Variants in GRK5 observed in about 807,000 individuals in gnomAD.
GRK5 encodes G protein-coupled receptor kinase 5.
In GRK5, 40 loss-of-function variants were observed where a neutral mutation model predicts 78.4. The ratio of observed to expected loss-of-function variants is 0.51; its 90% CI spans 0.40 to 0.66. The LOEUF is 0.66. Ranked by LOEUF, GRK5 falls within the 30% of genes least tolerant of loss-of-function variation. GRK5 has a pLI of 0.00. For synonymous variants in GRK5, 289 were observed against 296.8 expected, an observed-to-expected ratio of 0.97 and a Z score of 0.27; for missense variants, 598 against 759.9, an observed-to-expected ratio of 0.79 and a Z score of 2.50.
chr10:119,409,617 C>A (rs1852300258), intron 4 of GRK5, among the ~76,000 whole-genome samples: 1 of 152,200 alleles, frequency 6.6e-6, no homozygotes, highest in Admixed American at 6.5e-5. Context: ...CAGGCCCTCC[C>A]CATCCGTGGA....
At chr10:119,403,369 G>A (rs1257675381) in intron 4 of GRK5, among the ~76,000 whole-genome samples, 4 of 152,108 alleles carry the variant, frequency 2.6e-5, no homozygotes, top group Non-Finnish European at 5.9e-5. Flanking sequence ...GTTTCACCGT[G>A]TTAGCCAGGA....
At chr10:119,373,323 C>T (rs1055153441) in intron 2 of GRK5, among the ~76,000 whole-genome samples, 1 of 152,190 alleles carries the variant, frequency 6.6e-6, no homozygotes, top group African/African-American at 2.4e-5. Flanking sequence ...ACCTAAATCT[C>T]ATGTTGAATT....
rs539986450 is a variant in GRK5, at chr10:119,427,987, A to C, written c.534-2388A>C. ...GCCATCATCAGCATCACCGCCATCA[A>C]CAGCATCACTGCCATTAGTCCCACT... On this transcript the variant is annotated intron_variant, in intron 6 of 15. Coordinates refer to ENST00000392870, the MANE Select transcript of GRK5 (RefSeq NM_005308.3). Among the ~76,000 whole-genome samples, 444 of 152,042 alleles carry C rather than the reference A, an allele frequency of 2.9e-3. 1 individual carries two copies. The highest frequency in any genetic ancestry group is 0.01 in the African/African-American group (430 of 41,448).
chr10:119,348,361 G>A, intron 2 of GRK5, among the ~76,000 whole-genome samples: 1 of 152,188 alleles, frequency 6.6e-6, no homozygotes, highest in East Asian at 1.9e-4. Flanking sequence ...TGCCTTTATT[G>A]GAAGATGCTG....
chr10:119,429,054 G>T (rs149456450), intron 6 of GRK5, among the ~76,000 whole-genome samples: 1 of 152,224 alleles, frequency 6.6e-6, no homozygotes, highest in African/African-American at 2.4e-5. Context: ...CGAGGCAGGC[G>T]TGTGGCAGCT....
At chr10:119,276,717 T>C (rs1849676059) in intron 1 of GRK5, among the ~76,000 whole-genome samples, 1 of 152,220 alleles carries the variant, frequency 6.6e-6, no homozygotes, top group South Asian at 2.1e-4. Flanking sequence ...TTTTTGGTTT[T>C]CTTGAAGCTG....
chr10:119,255,851 G>A (rs532009838), intron 1 of GRK5, among the ~76,000 whole-genome samples: 6 of 152,286 alleles, frequency 3.9e-5, no homozygotes, highest in South Asian at 2.1e-4. Flanking sequence ...AGAGCTGACC[G>A]GGTTGTAGAA....
intron 4 of GRK5, among the ~76,000 whole-genome samples, chr10:119,402,478 A>G (rs1458567497): frequency 6.6e-6 from 1 of 152,240 alleles, no homozygotes; most frequent in Admixed American, 6.5e-5. Context: ...GAGGTGGCCC[A>G]GGAAATGTTC....
Position 119,430,534 on chromosome 10 carries a change from C to A in GRK5, c.597+96C>A. The A allele has an allele frequency of 3.6e-6, 4 of 1,106,200 alleles. No individual in the cohort carries two copies. Among genetic ancestry groups the A allele is most frequent in the Non-Finnish European group, 5.3e-6 (4 of 755,388 alleles). 68.5% of individuals were successfully genotyped at this position (1,106,200 alleles called of 1,614,324 possible). The stretch of plus-strand genomic sequence containing the variant: ...AACCTAAAGGGTTGGCCCACGGGTC[C>A]CCCGGGGGCACCAGTGGCTCAATGT... On this transcript the variant is annotated intron_variant, in intron 7 of 15. Transcript: ENST00000392870. The surrounding 1 kb of genome is among the most constrained non-coding windows in gnomAD (Gnocchi z 4.5).
In GRK5 at chr10:119,356,261, C is replaced by T. The variant is rs544258030; in HGVS notation, c.149-24554C>T. The stretch of plus-strand genomic sequence containing the variant: ...TTGATATTCTTAGACAAAACAAATT[C>T]TCAGGGTGTGGAGGGCAATTTACAA... On this transcript the variant is annotated intron_variant, in intron 2 of 15. Coordinates refer to ENST00000392870, the MANE Select transcript of GRK5 (RefSeq NM_005308.3). Among the ~76,000 whole-genome samples, 4 of 152,316 alleles carry T rather than the reference C, an allele frequency of 2.6e-5. No individual in the cohort carries two copies. The East Asian group carries it at 7.7e-4, about 29-fold the overall frequency.
intron 15 of GRK5, among the ~76,000 whole-genome samples, chr10:119,453,916 T>G (rs1482603667): frequency 6.6e-6 from 1 of 152,032 alleles, no homozygotes; most frequent in Non-Finnish European, 1.5e-5. Flanking sequence ...TAAGGGTTGG[T>G]GTGGGCCAAT....
intron 2 of GRK5, among the ~76,000 whole-genome samples, chr10:119,365,595 T>C (rs1851435293): frequency 6.6e-6 from 1 of 152,210 alleles, no homozygotes; most frequent in South Asian, 2.1e-4. Context: ...CTGTTCATAA[T>C]GATGTAGGGC....
intron 1 of GRK5, among the ~76,000 whole-genome samples, chr10:119,295,941 AT>A (rs1850072745): frequency 6.6e-6 from 1 of 152,176 alleles, no homozygotes; most frequent in African/African-American, 2.4e-5. Flanking sequence ...TATGGGAAAA[AT>A]ATTTTAAAAA....
At chr10:119,415,413 G>A (rs1852430558) in intron 4 of GRK5, among the ~76,000 whole-genome samples, 1 of 152,198 alleles carries the variant, frequency 6.6e-6, no homozygotes, top group Admixed American at 6.5e-5. Flanking sequence ...GCAGGGTGTT[G>A]GGGGCCAGGT....
intron 3 of GRK5, among the ~76,000 whole-genome samples, chr10:119,391,195 G>A (rs1445386504): frequency 6.6e-6 from 1 of 152,216 alleles, no homozygotes; most frequent in Non-Finnish European, 1.5e-5. Flanking sequence ...CCTCTTGACT[G>A]AGGCCTGAGA....
intron 1 of GRK5, among the ~76,000 whole-genome samples, chr10:119,321,291 G>C (rs1218681753): frequency 1.3e-5 from 2 of 152,246 alleles, no homozygotes; most frequent in Non-Finnish European, 2.9e-5. Flanking sequence ...TTAGCTTCCT[G>C]TTGCTGCTGT....
intron 4 of GRK5, among the ~76,000 whole-genome samples, chr10:119,405,239 G>T (rs1272955774): frequency 6.6e-6 from 1 of 152,140 alleles, no homozygotes; most frequent in Non-Finnish European, 1.5e-5. Flanking sequence ...GAACTGGTAT[G>T]GCGTCCTTCT....
At chr10:119,356,441 C>T (rs1485530724) in intron 2 of GRK5, among the ~76,000 whole-genome samples, 2 of 152,138 alleles carry the variant, frequency 1.3e-5, no homozygotes, top group Non-Finnish European at 2.9e-5. Context: ...TCTCTAGTCC[C>T]AGAATTTTAT....
In GRK5 at chr10:119,217,800, A is replaced by G. The variant is rs947474544; in HGVS notation, c.52+9831A>G. ...CTTCCCTGGCCGCTTACTGCTCCTTAGGAGGTTCTCGCCCTCAGTTACCTC... is the reference window on the plus strand; with the variant it reads ...CTTCCCTGGCCGCTTACTGCTCCTTGGGAGGTTCTCGCCCTCAGTTACCTC... On this transcript the variant is annotated intron_variant, in intron 1 of 15. Transcript: ENST00000392870. This position sits in a 1 kb window ranked among gnomAD's most constrained non-coding sequence, Gnocchi z 4.1. Among the ~76,000 whole-genome samples, 1 of 152,116 alleles carries G rather than the reference A, an allele frequency of 6.6e-6. No homozygotes were observed. Among genetic ancestry groups the G allele is most frequent in the Non-Finnish European group, 1.5e-5 (1 of 67,996 alleles).
Sources: allele counts gnomAD v4.1 joint callset (sites outside exome capture counted in the v4.1 genomes callset), GRCh38; gene constraint gnomAD v4.1.1; non-coding constraint Gnocchi (gnomAD v3.1); transcripts MANE v1.5; gene names NCBI Gene and HGNC (gene_info 2026-07-23, HGNC 2026-07-21).